DDX19A: variants seen among roughly 807,000 people sequenced by gnomAD.
The protein encoded by DDX19A is DEAD-box helicase 19A.
DDX19A carries 12 observed loss-of-function variants against 60.6 expected under a neutral mutation model. The observed-to-expected ratio is 0.20, with a 90% CI of 0.13 to 0.32. The LOEUF is 0.32. Among genes scored for constraint, DDX19A ranks in the 10% least tolerant of loss-of-function variants. DDX19A has a pLI of 1.00. For missense variants in DDX19A, 337 were observed against 600.6 expected (o/e 0.56, Z 4.59); for synonymous variants, 206 against 218.2 (o/e 0.94, Z 0.49).
chr16:70,354,687 A>T (rs1014216595), intron 2 of DDX19A, among the ~76,000 whole-genome samples: 2 of 152,252 alleles, frequency 1.3e-5, no homozygotes, highest in African/African-American at 4.8e-5. Flanking sequence ...TCATGCCAGT[A>T]ATCCTAGTGC....
At chr16:70,355,599 A>T (rs1269471366) in intron 3 of DDX19A, 64 bp downstream of exon 3, 4 of 1,277,558 alleles carry the variant, frequency 3.1e-6, no homozygotes, top group Non-Finnish European at 2.3e-6. Context: ...TCCTGGAGCC[A>T]GGGGCACTCC....
chr16:70,349,826 T>C (rs1167938019), intron 1 of DDX19A, among the ~76,000 whole-genome samples: 1 of 152,192 alleles, frequency 6.6e-6, no homozygotes, highest in Non-Finnish European at 1.5e-5. Flanking sequence ...CTAAACATAC[T>C]TGGTATCTGG....
intron 4 of DDX19A, chr16:70,356,946 T>C: frequency 9.0e-7 from 1 of 1,107,340 alleles, no homozygotes. Flanking sequence ...TTGTTTTTTT[T>C]TTACAAAAAA....
chr16:70,369,156 C>T lies in DDX19A; in HGVS notation c.1021-1067C>T, dbSNP rs955831816. Among the ~76,000 whole-genome samples the T allele has an allele frequency of 2.0e-4, 29 of 148,014 alleles. No individual in the cohort carries two copies. In the East Asian group the frequency reaches 3.2e-3, roughly 16 times the overall value. ...TGCTGGGATTACAGGCGTGAACCACCGTGCCCGGCCAATCTGGTTTTTTTT... is the reference window on the plus strand; with the variant it reads ...TGCTGGGATTACAGGCGTGAACCACTGTGCCCGGCCAATCTGGTTTTTTTT... On this transcript the variant is annotated intron_variant, in intron 9 of 11. Coordinates refer to ENST00000302243, the MANE Select transcript of DDX19A (RefSeq NM_018332.5).
intron 2 of DDX19A, among the ~76,000 whole-genome samples, chr16:70,352,852 G>C (rs776829355): frequency 8.7e-5 from 13 of 150,214 alleles, no homozygotes; most frequent in Non-Finnish European, 1.8e-4. Context: ...TGGTCAGGCT[G>C]GTCTCGAACT....
At position 70,372,935 on chromosome 16, in the gene DDX19A, T is replaced by C. The variant is rs914122621; in HGVS notation, c.*949T>C. 3 of 152,206 alleles carry C rather than the reference T, an allele frequency of 2.0e-5. No individual in the cohort carries two copies. Among genetic ancestry groups the C allele is most frequent in the African/African-American group, 4.8e-5 (2 of 41,444 alleles). 9.4% of individuals were successfully genotyped at this position (152,206 alleles called of 1,614,324 possible). A position where few individuals can be genotyped will look rare whatever the true frequency, so the allele number is the denominator to read the frequency against. ...GGAGAGCTCTGATTCCTACATAATA[T>C]GAATAAGGATGGATAGGCCGGGCGT... On this transcript the variant is annotated 3_prime_UTR_variant, in exon 12 of 12. Coordinates refer to ENST00000302243, the MANE Select transcript of DDX19A (RefSeq NM_018332.5).
At chr16:70,354,209 A>G (rs1964116940) in intron 2 of DDX19A, among the ~76,000 whole-genome samples, 1 of 150,938 alleles carries the variant, frequency 6.6e-6, no homozygotes, top group Non-Finnish European at 1.5e-5. Flanking sequence ...GCAATGGCGT[A>G]ATCTCAGCTC....
rs1248365917 is a variant in DDX19A at position 70,357,362 on chromosome 16, G to GTTTTTTTTTTTTTTTT, written c.293+1118_293+1119insTTTTTTTTTTTTTTTT. Among the ~76,000 whole-genome samples the GTTTTTTTTTTTTTTTT allele has an allele frequency of 1.2e-4, 6 of 48,876 alleles. 1 individual carries two copies. Among genetic ancestry groups the GTTTTTTTTTTTTTTTT allele is most frequent in the African/African-American group, 4.8e-4 (6 of 12,496 alleles). The allele number at this position is 48,876 out of a possible 152,430, so 32.1% of individuals were successfully genotyped here. A position where few individuals can be genotyped will look rare whatever the true frequency, so the allele number is the denominator to read the frequency against. On this transcript the variant is annotated intron_variant, in intron 4 of 11. Transcript: ENST00000302243. Reference sequence around the variant, plus strand: ...AAAAAATCTGTCAAATCTGTTTTTGGTTTGTTTTTTTTTTTTTTTTTTTTT... The same window carrying GTTTTTTTTTTTTTTTT: ...AAAAAATCTGTCAAATCTGTTTTTGGTTTTTTTTTTTTTTTTTTTGTTTTTTTTTTTTTTTTTTTTT...
At chr16:70,362,053 T>C (rs1964377065) in intron 5 of DDX19A, among the ~76,000 whole-genome samples, 4 of 151,418 alleles carry the variant, frequency 2.6e-5, no homozygotes, top group Admixed American at 2.6e-4. Context: ...CATGTGCCTG[T>C]AGTCCCAGCT....
Position 70,349,847 on chromosome 16 carries a change from C to T in DDX19A, c.58-710C>T, listed in dbSNP as rs1197836524. 3.3e-5 allele frequency among the ~76,000 whole-genome samples: 5 copies of T among 152,198 alleles called. No individual in the cohort carries two copies. In the South Asian group the frequency reaches 8.3e-4, roughly 25 times the overall value. On this transcript the variant is annotated intron_variant, in intron 1 of 11. Coordinates refer to ENST00000302243, the MANE Select transcript of DDX19A (RefSeq NM_018332.5). ...ATACTTGGTATCTGGTTCTAAGCAT[C>T]CAGCTTATCAGAAGGCTGGTATAAA...
chr16:70,364,916 C>T lies in DDX19A; in HGVS notation c.490-101C>T, dbSNP rs989396879. On this transcript the variant is annotated intron_variant, in intron 6 of 11. Transcript: ENST00000302243. ...TGGGCCTGGATGGGAGGACATGCTT[C>T]CCTGTGCTATTCAAGTGCTAATAAC... 24 of 900,072 alleles carry T rather than the reference C, an allele frequency of 2.7e-5. No homozygotes were observed. In the Admixed American group the frequency reaches 3.3e-4, roughly 12 times the overall value. 55.8% of individuals were successfully genotyped at this position (900,072 alleles called of 1,614,324 possible). A position where few individuals can be genotyped will look rare whatever the true frequency, so the allele number is the denominator to read the frequency against.
At position 70,350,551 on chromosome 16, in the gene DDX19A, A is replaced by G. The variant is rs768176034; in HGVS notation, c.58-6A>G. 6.2e-7 allele frequency: 1 copy of G among 1,609,748 alleles called. No homozygotes were observed. Among genetic ancestry groups the G allele is most frequent in the Non-Finnish European group, 8.5e-7 (1 of 1,177,908 alleles). On this transcript the variant is annotated splice_region_variant and splice_polypyrimidine_tract_variant and intron_variant, in intron 1 of 11. Coordinates refer to ENST00000302243, the MANE Select transcript of DDX19A (RefSeq NM_018332.5). ...CTTAACTCTGTTTTCTTTTATTTCTATTCAGATGACCAATTTGCAGATCAA... is the reference window on the plus strand; with the variant it reads ...CTTAACTCTGTTTTCTTTTATTTCTGTTCAGATGACCAATTTGCAGATCAA...
rs751028803 is a variant in DDX19A at position 70,347,059 on chromosome 16, C to G, written c.57+11C>G. The stretch of plus-strand genomic sequence containing the variant: ...GCGGCTGTCAAGTCGGTCAGTAGCT[C>G]AGCTCCTGGCGAGGAGGACGTAGCA... On this transcript the variant is annotated intron_variant, in intron 1 of 11. Transcript: ENST00000302243. 2.8e-5 allele frequency: 45 copies of G among 1,609,646 alleles called. 2 individuals are homozygous for G. The South Asian group carries it at 4.9e-4, about 17-fold the overall frequency.
At chr16:70,350,286 G>A (rs1963971576) in intron 1 of DDX19A, among the ~76,000 whole-genome samples, 1 of 152,102 alleles carries the variant, frequency 6.6e-6, no homozygotes, top group Admixed American at 6.6e-5. Context: ...CTTGAGTTGG[G>A]AGATGAGCAG....
chr16:70,347,365 G>T (rs1963865276), intron 1 of DDX19A: 1 of 416,270 alleles, frequency 2.4e-6, no homozygotes, highest in African/African-American at 2.0e-5. Context: ...TTTTCATTAC[G>T]CGACTGTTCT....
chr16:70,363,812 T>C (rs550493198), intron 5 of DDX19A: 1 of 152,342 alleles, frequency 6.6e-6, no homozygotes, highest in South Asian at 2.1e-4. Flanking sequence ...CAACGTCTGC[T>C]CACTGCAAGC....
chr16:70,350,766 C>T (rs1467315892), intron 2 of DDX19A, among the ~76,000 whole-genome samples, 161 bp downstream of exon 2: 1 of 144,636 alleles, frequency 6.9e-6, no homozygotes, highest in Non-Finnish European at 1.6e-5. Context: ...CGATTTTCCA[C>T]ATTTTATCCT....
chr16:70,361,541 A>G (rs1212076380), intron 5 of DDX19A, 31 bp downstream of exon 5: 2 of 1,548,912 alleles, frequency 1.3e-6, no homozygotes, highest in Non-Finnish European at 1.8e-6. Flanking sequence ...CATCTCACCC[A>G]GTGTGATTAG....
At chr16:70,371,859 G>T in intron 11 of DDX19A, 66 bp from the exon 12 acceptor site, 1 of 1,613,390 alleles carries the variant, frequency 6.2e-7, no homozygotes, top group Non-Finnish European at 8.5e-7. Context: ...CTGAATGAAT[G>T]ATTGCTGTGG....
Sources: gnomAD v4.1 joint callset for allele counts (sites outside exome capture counted in the v4.1 genomes callset) on GRCh38, gnomAD v4.1.1 for gene constraint, MANE v1.5 for transcripts, NCBI Gene and HGNC (gene_info 2026-07-23, HGNC 2026-07-21) for gene names.